NXN: variants seen among roughly 807,000 people sequenced by gnomAD.
The protein encoded by NXN is nucleoredoxin.
A neutral mutation model predicts 48.6 loss-of-function variants in NXN; 16 were observed. The observed-to-expected ratio is 0.33, with a 90% CI of 0.22 to 0.50. The LOEUF is 0.50. Among genes scored for constraint, NXN ranks in the 20% least tolerant of loss-of-function variants. NXN has a pLI of 0.98. For missense variants in NXN, 492 were observed against 605.5 expected (o/e 0.81, Z 1.97); for synonymous variants, 281 against 269.6 (o/e 1.04, Z -0.41).
chr17:838,971 G>T (rs769232227), intron 1 of NXN, among the ~76,000 whole-genome samples: 1 of 152,152 alleles, frequency 6.6e-6, no homozygotes, highest in Non-Finnish European at 1.5e-5. Flanking sequence ...CAGGCTGCCT[G>T]GGTTCAAATC....
At chr17:806,681 G>C (rs1422505337) in intron 5 of NXN, among the ~76,000 whole-genome samples, 1 of 152,188 alleles carries the variant, frequency 6.6e-6, no homozygotes, top group Non-Finnish European at 1.5e-5. Flanking sequence ...GATTCGGTCA[G>C]TAATTTGCTC....
intron 1 of NXN, among the ~76,000 whole-genome samples, chr17:951,500 G>C (rs559712932): frequency 1.4e-5 from 2 of 142,494 alleles, no homozygotes; most frequent in East Asian, 4.2e-4. Flanking sequence ...TCTTTTTGCA[G>C]ACATGATGTG....
intron 5 of NXN, among the ~76,000 whole-genome samples, chr17:816,666 G>A (rs1912489273): frequency 1.3e-5 from 2 of 152,102 alleles, no homozygotes; most frequent in East Asian, 1.9e-4. Context: ...AGACCTATAC[G>A]CTCTGCAAAG....
Position 954,600 on chromosome 17 carries a change from T to C in NXN, c.360+24719A>G, listed in dbSNP as rs77762957. ...AGTGACTTCCTCAGAGCAACAGGGC[T>C]GATTCCCACGACCCCAGGCCCCAGG... is the stretch of plus-strand genomic sequence containing the variant. On this transcript the variant is annotated intron_variant, in intron 1 of 7. Transcript: ENST00000336868. Among the ~76,000 whole-genome samples the C allele has an allele frequency of 9.4e-3, 1,427 of 152,348 alleles. 22 individuals carry two copies. The highest frequency in any genetic ancestry group is 0.033 in the African/African-American group (1,375 of 41,566).
intron 1 of NXN, among the ~76,000 whole-genome samples, chr17:951,406 G>C (rs1314306387): frequency 6.6e-6 from 1 of 151,666 alleles, no homozygotes; most frequent in Admixed American, 6.6e-5. Flanking sequence ...CACACCCCCA[G>C]GTGGAGGCCA....
intron 1 of NXN, among the ~76,000 whole-genome samples, chr17:924,891 AG>A (rs1359172931): frequency 1.3e-5 from 2 of 151,986 alleles, no homozygotes; most frequent in African/African-American, 4.8e-5. Flanking sequence ...AGGTAAAGGC[AG>A]GAAGTACAGG....
intron 1 of NXN, among the ~76,000 whole-genome samples, chr17:935,228 A>C (rs2068895926): frequency 1.3e-5 from 2 of 151,740 alleles, no homozygotes; most frequent in African/African-American, 4.8e-5. Flanking sequence ...TCCTGGCCTC[A>C]GGTGATCTGC....
At chr17:973,325 C>T (rs751480555) in intron 1 of NXN, among the ~76,000 whole-genome samples, 4 of 152,174 alleles carry the variant, frequency 2.6e-5, no homozygotes, top group Non-Finnish European at 5.9e-5. Context: ...ATTTCCCACG[C>T]GAAACAGCAG....
rs1248697347 is a variant in NXN at position 920,645 on chromosome 17, C to G, written c.360+58674G>C. On this transcript the variant is annotated intron_variant, in intron 1 of 7. Transcript: ENST00000336868. The surrounding 1 kb of genome is among the most constrained non-coding windows in gnomAD (Gnocchi z 4.6). ...CCTCACTGGCAGCACCCAGGACGTT[C>G]TCAATGAGGTCTTCATTCATACCGC... Among the ~76,000 whole-genome samples, 1 of 152,106 alleles carries G rather than the reference C, an allele frequency of 6.6e-6. No individual in the cohort carries two copies. The highest frequency in any genetic ancestry group is 1.9e-4 in the East Asian group (1 of 5,198).
chr17:847,830 C>G (rs2067881238), intron 1 of NXN, among the ~76,000 whole-genome samples: 1 of 151,926 alleles, frequency 6.6e-6, no homozygotes, highest in Admixed American at 6.6e-5. Flanking sequence ...TGTGTGAGAC[C>G]CGCAAACATA....
At chr17:973,696 C>T in intron 1 of NXN, among the ~76,000 whole-genome samples, 1 of 150,306 alleles carries the variant, frequency 6.7e-6, no homozygotes, top group Non-Finnish European at 1.5e-5. Context: ...TTTTTTTTTT[C>T]CAAGACGGAG....
At chr17:946,592 T>C (rs36109475) in intron 1 of NXN, among the ~76,000 whole-genome samples, 44,832 of 152,132 alleles carry the variant, frequency 0.29, 8,188 homozygotes, top group Non-Finnish European at 0.42. Context: ...ACGCCCTGGC[T>C]GAGAAGTTCC....
Position 826,055 on chromosome 17 carries a change from T to G in NXN, c.384A>C (p.Arg128=). 1 of 1,613,716 alleles carries G rather than the reference T, an allele frequency of 6.2e-7. No homozygotes were observed. Among genetic ancestry groups the G allele is most frequent in the Middle Eastern group, 1.7e-4 (1 of 6,058 alleles). Residue 128 remains arginine, a synonymous_variant, in exon 2 of 8, where the codon CGA becomes CGC. Transcript: ENST00000336868. ...ATATTAGTGATGGAATGTTGGAAAT[T>G]CGGTATTTGTTCCAAAGTTTGAGCT... ...HRKLKLWNKY[R]ISNIPSLIFL...
At chr17:807,984 ACC>A (rs1171425334) in intron 5 of NXN, among the ~76,000 whole-genome samples, 1 of 152,076 alleles carries the variant, frequency 6.6e-6, no homozygotes, top group African/African-American at 2.4e-5. Context: ...CCCCCAGGTC[ACC>A]CAGCCAGGCA....
intron 1 of NXN, among the ~76,000 whole-genome samples, chr17:928,998 C>G (rs754707673): frequency 6.6e-6 from 1 of 152,206 alleles, no homozygotes; most frequent in Non-Finnish European, 1.5e-5. Flanking sequence ...ACTTAATTCC[C>G]ACAGAGTAAA....
At chr17:808,932 C>T (rs1911748485) in intron 5 of NXN, among the ~76,000 whole-genome samples, 1 of 152,138 alleles carries the variant, frequency 6.6e-6, no homozygotes, top group African/African-American at 2.4e-5. Context: ...CCGCCTCGGC[C>T]TCCCAAACTG....
intron 1 of NXN, among the ~76,000 whole-genome samples, chr17:841,495 G>GGA (rs1914243815): frequency 3.9e-5 from 4 of 101,428 alleles, no homozygotes; most frequent in Admixed American, 9.5e-5. Context: ...CCCTGACCAC[G>GGA]GCGCATCTCA....
intron 1 of NXN, chr17:959,083 T>G (rs953827261): frequency 6.5e-6 from 2 of 305,428 alleles, no homozygotes; most frequent in African/African-American, 4.4e-5. Flanking sequence ...ACGGGCGGTG[T>G]GGCTGGAGGC....
At chr17:815,232 G>A (rs1204739994) in intron 5 of NXN, among the ~76,000 whole-genome samples, 1 of 152,208 alleles carries the variant, frequency 6.6e-6, no homozygotes, top group Admixed American at 6.5e-5. Context: ...TCCATATGAT[G>A]AGGGCCAGTG....
Sources: allele counts gnomAD v4.1 joint callset (sites outside exome capture counted in the v4.1 genomes callset), GRCh38; gene constraint gnomAD v4.1.1; non-coding constraint Gnocchi (gnomAD v3.1); transcripts MANE v1.5; gene names NCBI Gene and HGNC (gene_info 2026-07-23, HGNC 2026-07-21).